PNPLA7: variants seen among roughly 807,000 people sequenced by gnomAD.
The protein encoded by PNPLA7 is patatin like domain 7, lysophospholipase, also known as patatin-like phospholipase domain-containing protein 7.
PNPLA7 carries 153 observed loss-of-function variants against 161.7 expected under a neutral mutation model. The ratio of observed to expected loss-of-function variants is 0.95; its 90% CI spans 0.83 to 1.08. PNPLA7 has a LOEUF of 1.08. PNPLA7 is among the 50% of genes least tolerant of loss of function. The pLI, the probability that PNPLA7 is intolerant of heterozygous loss-of-function variation, is 0.00. For missense variants in PNPLA7, 1,739 were observed against 1,856.6 expected, an observed-to-expected ratio of 0.94 and a Z score of 1.16; for synonymous variants, 809 against 782.1, an observed-to-expected ratio of 1.03 and a Z score of -0.57.
intron 9 of PNPLA7, among the ~76,000 whole-genome samples, chr9:137,522,137 C>T (rs963428355): frequency 5.9e-5 from 9 of 152,132 alleles, no homozygotes; most frequent in South Asian, 4.1e-4. Flanking sequence ...TGCAGTGGCA[C>T]CATCTCGGCT....
rs550434825 is a variant in PNPLA7 at position 137,540,042 on chromosome 9, G to A, written c.747+600C>T. ...CTTGTGATCCACCCACCTCAGCCTC[G>A]CAAAGTGCTGGGATTACAGGTGTGA... On this transcript the variant is annotated intron_variant, in intron 8 of 34. Transcript: ENST00000406427. The surrounding 1 kb of genome is among the most constrained non-coding windows in gnomAD (Gnocchi z 5.1). Among the ~76,000 whole-genome samples, 30 of 152,164 alleles carry A rather than the reference G, an allele frequency of 2.0e-4. No homozygotes were observed. Among genetic ancestry groups the A allele is most frequent in the Admixed American group, 1.8e-3 (28 of 15,278 alleles).
At chr9:137,479,523 C>T in intron 23 of PNPLA7, 1 of 1,157,632 alleles carries the variant, frequency 8.6e-7, no homozygotes, top group Non-Finnish European at 1.1e-6. Flanking sequence ...AGCAACCTTT[C>T]CAAATGAGGT....
Position 137,547,322 on chromosome 9 carries a change from C to T in PNPLA7, c.180G>A (p.Arg60=), listed in dbSNP as rs370922541. 19 of 1,613,560 alleles carry T rather than the reference C, an allele frequency of 1.2e-5. No homozygotes were observed. In the South Asian group the frequency reaches 2.0e-4, roughly 17 times the overall value. The part of the protein sequence containing the change: ...VGVLILFMFR[R]LRQFRQAQPT... ...CAAGATACTCACGAAATTGTCTAAG[C>T]CTTCTGAACATGAAAAGGATGAGGA... Residue 60 remains arginine, a synonymous_variant, in exon 3 of 35, where the codon AGG becomes AGA. Transcript: ENST00000406427. This position sits in a 1 kb window ranked among gnomAD's most constrained non-coding sequence, Gnocchi z 4.6.
In PNPLA7 at chr9:137,479,220, T is replaced by G. The variant is rs1234289977; in HGVS notation, c.2599A>C (p.Ser867Arg). ...TGCTTCTGGGCACGCACAGCTGTGC[T>G]CTCCAGCATCCGCTCCAGCTGAAAG... ...TVGELERMLE[S>R]TAVRAQKQLI... Residue 867 changes from serine to arginine, a missense_variant, in exon 24 of 35, where the codon AGC becomes CGC. Physicochemically the swap from Ser to Arg is moderately radical, Grantham distance 110. Around this residue, in one of 6 missense-constraint regions of PNPLA7, gnomAD observed 703 missense variants for 694.6 expected, o/e 1.01. Coordinates refer to ENST00000406427, the MANE Select transcript of PNPLA7 (RefSeq NM_001098537.3). 4.5e-6 allele frequency: 7 copies of G among 1,542,638 alleles called. No homozygotes were observed. Among genetic ancestry groups the G allele is most frequent in the Non-Finnish European group, 6.1e-6 (7 of 1,142,368 alleles).
chr9:137,515,134 C>T (rs1588654505), intron 12 of PNPLA7, among the ~76,000 whole-genome samples: 1 of 152,078 alleles, frequency 6.6e-6, no homozygotes. Context: ...CCAGCCCTGG[C>T]GGTGGTGGGG....
At chr9:137,465,502 C>T (rs1158583518) in intron 26 of PNPLA7, among the ~76,000 whole-genome samples, 2 of 152,248 alleles carry the variant, frequency 1.3e-5, no homozygotes, top group Non-Finnish European at 2.9e-5. Context: ...CACCTCTGCC[C>T]ATGGCGGGTT....
intron 12 of PNPLA7, chr9:137,509,384 G>A (rs1048181537): frequency 2.2e-5 from 4 of 181,322 alleles, no homozygotes; most frequent in East Asian, 1.4e-4. Flanking sequence ...GAGTTTAGCC[G>A]GTATGAGTGA....
At chr9:137,464,682 C>T in intron 26 of PNPLA7, 1 of 564,532 alleles carries the variant, frequency 1.8e-6, no homozygotes, top group South Asian at 2.0e-5. Context: ...ACCCTCGGTC[C>T]CTTCCTGATC....
At chr9:137,473,115 C>G (rs1427001737) in intron 25 of PNPLA7, among the ~76,000 whole-genome samples, 2 of 152,166 alleles carry the variant, frequency 1.3e-5, no homozygotes, top group Non-Finnish European at 2.9e-5. Flanking sequence ...CCATCAGATC[C>G]CGTTAGACTA....
Position 137,524,796 on chromosome 9 carries a change from C to T in PNPLA7, c.748-1939G>A, listed in dbSNP as rs148257374. Among the ~76,000 whole-genome samples, 33 of 151,740 alleles carry T rather than the reference C, an allele frequency of 2.2e-4. No individual in the cohort carries two copies. The highest frequency in any genetic ancestry group is 7.7e-4 in the African/African-American group (32 of 41,342). The stretch of plus-strand genomic sequence containing the variant: ...GTGGATGCCCCGTGGAATGGGTTTC[C>T]GTGGATGCCCCGTGGAATGAGTTTC... On this transcript the variant is annotated intron_variant, in intron 8 of 34. Coordinates refer to ENST00000406427, the MANE Select transcript of PNPLA7 (RefSeq NM_001098537.3). This position sits in a 1 kb window ranked among gnomAD's most constrained non-coding sequence, Gnocchi z 4.4.
At chr9:137,481,698 C>T (rs1832226870) in intron 21 of PNPLA7, among the ~76,000 whole-genome samples, 1 of 152,204 alleles carries the variant, frequency 6.6e-6, no homozygotes, top group Non-Finnish European at 1.5e-5. Flanking sequence ...CGCGGTGGCT[C>T]ACGCCTGTAA....
At chr9:137,484,123 A>C (rs1832352327) in intron 21 of PNPLA7, among the ~76,000 whole-genome samples, 1 of 151,728 alleles carries the variant, frequency 6.6e-6, no homozygotes, top group South Asian at 2.1e-4. Context: ...TCTAGTAGAG[A>C]TGGAGTTTTA....
Position 137,505,780 on chromosome 9 carries a change from C to A in PNPLA7, c.1327-20G>T. On this transcript the variant is annotated intron_variant, in intron 13 of 34. Coordinates refer to ENST00000406427, the MANE Select transcript of PNPLA7 (RefSeq NM_001098537.3). ...CCTGGACTGGAGAAGAACGGAGATACCGGCAATTCGAAGGGATGTGGTTGG... is the reference window on the plus strand; with the variant it reads ...CCTGGACTGGAGAAGAACGGAGATAACGGCAATTCGAAGGGATGTGGTTGG... 1.2e-6 allele frequency: 2 copies of A among 1,612,406 alleles called. No homozygotes were observed. The highest frequency in any genetic ancestry group is 1.7e-6 in the Non-Finnish European group (2 of 1,178,794).
rs982396463 is a variant in PNPLA7 at position 137,490,391 on chromosome 9, G to T, written c.2197+2622C>A. 1.3e-5 allele frequency among the ~76,000 whole-genome samples: 2 copies of T among 152,142 alleles called. No homozygotes were observed. Among genetic ancestry groups the T allele is most frequent in the Admixed American group, 1.3e-4 (2 of 15,268 alleles). On this transcript the variant is annotated intron_variant, in intron 20 of 34. Coordinates refer to ENST00000406427, the MANE Select transcript of PNPLA7 (RefSeq NM_001098537.3). This position sits in a 1 kb window ranked among gnomAD's most constrained non-coding sequence, Gnocchi z 4.1. ...GGATGAGGTGTAAGACACTGTGCCT[G>T]GTCAAAACATTCTTGAACACAGCTA...
chr9:137,508,005 C>T (rs987847624), intron 12 of PNPLA7, among the ~76,000 whole-genome samples: 18 of 152,128 alleles, frequency 1.2e-4, no homozygotes, highest in Admixed American at 1.0e-3. Context: ...CCAGCCTGGG[C>T]AACACAGCAA....
chr9:137,496,796 C>G (rs748357704), intron 18 of PNPLA7, among the ~76,000 whole-genome samples: 38 of 152,216 alleles, frequency 2.5e-4, no homozygotes, highest in African/African-American at 4.6e-4. Context: ...GGCAGCCCCC[C>G]ACTCGCTCAG....
At chr9:137,527,908 T>C (rs1835380500) in intron 8 of PNPLA7, among the ~76,000 whole-genome samples, 1 of 152,264 alleles carries the variant, frequency 6.6e-6, no homozygotes, top group Non-Finnish European at 1.5e-5. Flanking sequence ...GGAAGGATTT[T>C]AGCTACAGAT....
rs369006114 is a variant in PNPLA7 at position 137,462,071 on chromosome 9, G to C, written c.3646-30C>G. The stretch of plus-strand genomic sequence containing the variant: ...GCACACCCCCAGGGCCCCGTCAGGA[G>C]GTGTGGGGAGCCCCCCACTTCCTGT... On this transcript the variant is annotated intron_variant, in intron 31 of 34. Transcript: ENST00000406427. 3.6e-5 allele frequency: 55 copies of C among 1,541,318 alleles called. No homozygotes were observed. In the African/African-American group the frequency reaches 6.6e-4, roughly 18 times the overall value.
At chr9:137,478,677 TG>T in intron 24 of PNPLA7, 1 of 191,592 alleles carries the variant, frequency 5.2e-6, no homozygotes, top group Admixed American at 5.8e-5. Flanking sequence ...CAGCTGGATG[TG>T]GGGGCCTCAG....
Sources: allele counts gnomAD v4.1 joint callset (sites outside exome capture counted in the v4.1 genomes callset), GRCh38; gene constraint gnomAD v4.1.1; regional missense constraint gnomAD v4.1.1; non-coding constraint Gnocchi (gnomAD v3.1); transcripts MANE v1.5; gene names NCBI Gene and HGNC (gene_info 2026-07-23, HGNC 2026-07-21).